Variants in WDR75 observed in about 807,000 individuals in gnomAD.
WDR75 encodes the protein WD repeat-containing protein 75.
Under a neutral mutation model 106.1 loss-of-function variants are expected in WDR75, and 52 were observed. That is an observed-to-expected ratio of 0.49 (90% confidence interval 0.39 to 0.62). WDR75 has a LOEUF of 0.62. WDR75 is among the 20% of genes least tolerant of loss of function. The pLI, the probability that WDR75 is intolerant of heterozygous loss-of-function variation, is 0.00. For synonymous variants in WDR75, 333 were observed against 335.5 expected, an observed-to-expected ratio of 0.99 and a Z score of 0.08; for missense variants, 905 against 970.3, an observed-to-expected ratio of 0.93 and a Z score of 0.89.
chr2:189,466,631 T>G (rs1239912005), intron 13 of WDR75, 49 bp downstream of exon 13: 3 of 1,546,082 alleles, frequency 1.9e-6, no homozygotes, highest in Non-Finnish European at 2.6e-6. Context: ...TTTTAGGAAT[T>G]AATTTCTTTT....
chr2:189,451,039 T>A, intron 3 of WDR75, 71 bp downstream of exon 3: 1 of 1,509,252 alleles, frequency 6.6e-7, no homozygotes, highest in Non-Finnish European at 8.8e-7. Flanking sequence ...GTAGATGTAC[T>A]GTTTCTATAA....
At chr2:189,445,029 G>A (rs1686465699) in intron 1 of WDR75, among the ~76,000 whole-genome samples, 1 of 152,136 alleles carries the variant, frequency 6.6e-6, no homozygotes, top group South Asian at 2.1e-4. Context: ...AGGTGTTGTG[G>A]TGGGTGCATT....
At position 189,449,305 on chromosome 2, in the gene WDR75, C is replaced by T. The variant is rs1417209350; in HGVS notation, c.216+797C>T. 4.6e-6 allele frequency: 6 copies of T among 1,302,824 alleles called. No individual in the cohort carries two copies. In the East Asian group the frequency reaches 2.2e-4, roughly 48 times the overall value. 80.7% of individuals were successfully genotyped at this position (1,302,824 alleles called of 1,614,324 possible). A position where few individuals can be genotyped will look rare whatever the true frequency, so the allele number is the denominator to read the frequency against. On this transcript the variant is annotated intron_variant, in intron 2 of 20. Transcript: ENST00000314761. ...ATTTGCATTGCCATTCACTTTTATT[C>T]CAAAGGAAATAAAGTAGCACCGATC...
At chr2:189,452,183 A>G (rs1056747031) in intron 4 of WDR75, 1 of 300,608 alleles carries the variant, frequency 3.3e-6, no homozygotes, top group African/African-American at 2.2e-5. Context: ...CTGAACTTAA[A>G]TCTGTTATTA....
At chr2:189,442,084 T>C (rs1419004569) in intron 1 of WDR75, among the ~76,000 whole-genome samples, 1 of 152,222 alleles carries the variant, frequency 6.6e-6, no homozygotes, top group African/African-American at 2.4e-5. Flanking sequence ...ACTTGGTCTC[T>C]TTTCTCAGTG....
chr2:189,462,867 G>A (rs1686925636), intron 9 of WDR75, among the ~76,000 whole-genome samples: 1 of 152,152 alleles, frequency 6.6e-6, no homozygotes, highest in African/African-American at 2.4e-5. Context: ...AAGGCTAAGT[G>A]TATTTGGTTA....
chr2:189,467,675 G>A (rs1397010900), intron 14 of WDR75, 27 bp downstream of exon 14: 10 of 1,534,996 alleles, frequency 6.5e-6, no homozygotes, highest in Middle Eastern at 3.7e-4. Flanking sequence ...GAAGTATGTA[G>A]TACTATTTTT....
At chr2:189,468,108 G>A (rs1334348616) in intron 14 of WDR75, among the ~76,000 whole-genome samples, 1 of 152,140 alleles carries the variant, frequency 6.6e-6, no homozygotes, top group Non-Finnish European at 1.5e-5. Context: ...CAGCATGTCT[G>A]ATTCTGAATT....
At chr2:189,455,541 C>T in intron 5 of WDR75, 97 bp downstream of exon 5, 3 of 1,417,746 alleles carry the variant, frequency 2.1e-6, no homozygotes, top group Non-Finnish European at 2.9e-6. Context: ...TTTATATTCC[C>T]TTGAATTACT....
rs1238982224 is a variant in WDR75 at position 189,462,525 on chromosome 2, G to C, written c.820G>C (p.Glu274Gln). ...TGGCGGTCGTGAATCTGTACTTGTA[G>C]AGTGGCGCGATGCAACAGAGAAGAA... ...LSGGRESVLV[E>Q]WRDATEKNKE... The change falls in exon 9 of 21, where the codon GAG (glutamate) becomes CAG (glutamine). Residue 274 changes from glutamate (E) to glutamine (Q), a missense_variant. By Grantham distance (29) the Glu-to-Gln change is conservative. Coordinates refer to ENST00000314761, the MANE Select transcript of WDR75 (RefSeq NM_032168.3). 1 of 1,613,982 alleles carries C rather than the reference G, an allele frequency of 6.2e-7. No homozygotes were observed. The highest frequency in any genetic ancestry group is 1.3e-5 in the African/African-American group (1 of 74,914).
intron 5 of WDR75, 60 bp downstream of exon 5, chr2:189,455,504 C>G (rs1686715537): frequency 1.3e-6 from 2 of 1,555,844 alleles, no homozygotes; most frequent in African/African-American, 2.8e-5. Context: ...TGCAATCTCT[C>G]TTCTGAGCAT....
In WDR75 at chr2:189,458,799, T is replaced by C; in HGVS notation, c.616T>C (p.Phe206Leu). ...AAATAAGAAGCATGCTAAAAACAAT[T>C]TTACATGTGTAGCATGTCACCCAAC... ...SRNKKHAKNN[F>L]TCVACHPTED... The change falls in exon 7 of 21, where the codon TTT (phenylalanine) becomes CTT (leucine). Residue 206 changes from phenylalanine to leucine, a missense_variant. Physicochemically the swap from Phe to Leu is conservative, Grantham distance 22. Coordinates refer to ENST00000314761, the MANE Select transcript of WDR75 (RefSeq NM_032168.3). 1 of 1,606,624 alleles carries C rather than the reference T, an allele frequency of 6.2e-7. No homozygotes were observed. The highest frequency in any genetic ancestry group is 1.7e-4 in the Middle Eastern group (1 of 6,048).
intron 8 of WDR75, among the ~76,000 whole-genome samples, chr2:189,460,510 GT>G (rs776448300): frequency 1.4e-3 from 200 of 144,050 alleles, no homozygotes; most frequent in Middle Eastern, 3.7e-3. Flanking sequence ...CCAGGCAGGG[GT>G]TTTTTTTTTT....
chr2:189,462,442 C>T, intron 8 of WDR75, 42 bp from the exon 9 acceptor site: 2 of 1,582,668 alleles, frequency 1.3e-6, no homozygotes, highest in Admixed American at 1.8e-5. Context: ...CTCTTTTTTC[C>T]TCAAAACACC....
chr2:189,462,480 G>A lies in WDR75; in HGVS notation c.779-4G>A, dbSNP rs1379730344. ...CCTTTTAATTTCCTTGAATGGATAT[G>A]AAGGCACCAGTCTGCTGAGTGGCGG... On this transcript the variant is annotated splice_polypyrimidine_tract_variant and splice_region_variant and intron_variant, in intron 8 of 20. Coordinates refer to ENST00000314761, the MANE Select transcript of WDR75 (RefSeq NM_032168.3). 1.9e-6 allele frequency: 3 copies of A among 1,613,180 alleles called. No homozygotes were observed. Among genetic ancestry groups the A allele is most frequent in the African/African-American group, 1.3e-5 (1 of 74,966 alleles).
In WDR75 at chr2:189,459,397, G is replaced by A; in HGVS notation, c.751G>A (p.Val251Ile). 2.5e-6 allele frequency: 4 copies of A among 1,612,486 alleles called. No homozygotes were observed. The highest frequency in any genetic ancestry group is 3.4e-6 in the Non-Finnish European group (4 of 1,179,580). Reference protein sequence around the residue: ...YTCLHWHHDMVMDLAFSVTGT... With the variant: ...YTCLHWHHDMIMDLAFSVTGT... ...ATGTTTACATTGGCACCATGATATG[G>A]TTATGGATTTGGCTTTTTCAGTGAC... Residue 251 changes from valine to isoleucine, a missense_variant, in exon 8 of 21, where the codon GTT becomes ATT. Coordinates refer to ENST00000314761, the MANE Select transcript of WDR75 (RefSeq NM_032168.3).
chr2:189,459,249 A>C, intron 7 of WDR75, 87 bp from the exon 8 acceptor site: 2 of 925,816 alleles, frequency 2.2e-6, no homozygotes, highest in Non-Finnish European at 3.3e-6. Context: ...TATGTTTGGT[A>C]TATATTATGT....
At chr2:189,472,175 T>C (rs1468257024) in intron 18 of WDR75, among the ~76,000 whole-genome samples, 5 of 152,158 alleles carry the variant, frequency 3.3e-5, no homozygotes, top group South Asian at 4.1e-4. Flanking sequence ...CACCAGAAGA[T>C]AGAGACAGTA....
Position 189,475,462 on chromosome 2 carries a change from T to A in WDR75, c.*45T>A. 1 of 1,135,056 alleles carries A rather than the reference T, an allele frequency of 8.8e-7. No individual in the cohort carries two copies. The highest frequency in any genetic ancestry group is 1.3e-6 in the Non-Finnish European group (1 of 790,132). 70.3% of individuals were successfully genotyped at this position (1,135,056 alleles called of 1,614,324 possible). A position where few individuals can be genotyped will look rare whatever the true frequency, so the allele number is the denominator to read the frequency against. ...TCCTTGGACTTTGTGTTTTTGATTG[T>A]ATGTTGATATTCTAAAAACATCTAT... On this transcript the variant is annotated 3_prime_UTR_variant, in exon 21 of 21. Coordinates refer to ENST00000314761, the MANE Select transcript of WDR75 (RefSeq NM_032168.3).
Sources: gnomAD v4.1 joint callset for allele counts (sites outside exome capture counted in the v4.1 genomes callset) on GRCh38, gnomAD v4.1.1 for gene constraint, MANE v1.5 for transcripts, NCBI Gene and HGNC (gene_info 2026-07-23, HGNC 2026-07-21) for gene names.